The following GPC5 variants were observed in gnomAD, a reference collection of about 807,000 sequenced individuals.
GPC5 encodes glypican 5.
A neutral mutation model predicts 53.9 loss-of-function variants in GPC5; 47 were observed. The ratio of observed to expected loss-of-function variants is 0.87; its 90% confidence interval spans 0.69 to 1.11. The LOEUF (loss-of-function observed/expected upper bound fraction) is 1.11, where lower values mean the gene tolerates loss of function less well. Ranked by LOEUF, GPC5 falls within the 50% of genes most tolerant of loss-of-function variation. The pLI, the probability that GPC5 is intolerant of heterozygous loss-of-function variation, is 0.00. For missense variants in GPC5, 748 were observed against 713.1 expected (o/e 1.05, Z -0.56); for synonymous variants, 286 against 263.3 (o/e 1.09, Z -0.84).
chr13:92,046,293 T>G (rs997205266), intron 6 of GPC5, among the ~76,000 whole-genome samples: 1 of 152,222 alleles, frequency 6.6e-6, no homozygotes, highest in South Asian at 2.1e-4. Context: ...TTCATCAATC[T>G]ATTACAAGTT....
intron 6 of GPC5, among the ~76,000 whole-genome samples, chr13:91,986,226 C>A (rs903443668): frequency 6.6e-6 from 1 of 151,758 alleles, no homozygotes; most frequent in African/African-American, 2.4e-5. Flanking sequence ...CCACCATGCC[C>A]GGCTAATTTT....
chr13:91,891,676 TTAAG>T (rs2039388051), intron 5 of GPC5, among the ~76,000 whole-genome samples: 1 of 152,168 alleles, frequency 6.6e-6, no homozygotes, highest in Admixed American at 6.5e-5. Context: ...ATCTGGAGAA[TTAAG>T]TAAGAATCAA....
At chr13:92,554,463 C>G (rs1232089323) in intron 7 of GPC5, among the ~76,000 whole-genome samples, 2 of 151,080 alleles carry the variant, frequency 1.3e-5, no homozygotes, top group Non-Finnish European at 3.0e-5. Context: ...ATTGTATTTT[C>G]CTACCTGTAT....
chr13:92,673,431 C>T lies in GPC5; in HGVS notation c.1562-192851C>T, dbSNP rs139538588. 1.5e-4 allele frequency among the ~76,000 whole-genome samples: 23 copies of T among 151,906 alleles called. No homozygotes were observed. In the East Asian group the frequency reaches 2.5e-3, roughly 17 times the overall value. ...CAGTACCTTCCAGTACCAGAAGGCA[C>T]GCACCATGATGCCTGGCTAATTTTG... is the stretch of plus-strand genomic sequence containing the variant. On this transcript the variant is annotated intron_variant, in intron 7 of 7. Coordinates refer to ENST00000377067, the MANE Select transcript of GPC5 (RefSeq NM_004466.6).
At chr13:91,734,353 G>A (rs1239967385) in intron 4 of GPC5, among the ~76,000 whole-genome samples, 2 of 151,376 alleles carry the variant, frequency 1.3e-5, no homozygotes, top group Non-Finnish European at 2.9e-5. Context: ...CGATGGGTAA[G>A]TATGTCTAGT....
At chr13:92,837,858 C>T (rs1455915975) in intron 7 of GPC5, among the ~76,000 whole-genome samples, 2 of 150,786 alleles carry the variant, frequency 1.3e-5, no homozygotes, top group East Asian at 2.0e-4. Flanking sequence ...TTTGGGAGGC[C>T]GAGGCGGGCG....
At chr13:91,856,879 C>G (rs1330758666) in intron 5 of GPC5, among the ~76,000 whole-genome samples, 6 of 150,968 alleles carry the variant, frequency 4.0e-5, no homozygotes, top group Non-Finnish European at 8.9e-5. Context: ...ATATCAGAAT[C>G]TTTATAGCTT....
At chr13:91,701,625 T>G (rs1294488086) in intron 3 of GPC5, among the ~76,000 whole-genome samples, 18 of 152,044 alleles carry the variant, frequency 1.2e-4, no homozygotes, top group Admixed American at 1.2e-3. Flanking sequence ...CTCTCTACAT[T>G]ATGTTGATTG....
At chr13:92,803,217 G>A (rs905189424) in intron 7 of GPC5, among the ~76,000 whole-genome samples, 1 of 151,804 alleles carries the variant, frequency 6.6e-6, no homozygotes, top group South Asian at 2.1e-4. Context: ...CTCAATAGAG[G>A]AACATACTTT....
At chr13:91,580,672 C>T (rs1484864225) in intron 2 of GPC5, among the ~76,000 whole-genome samples, 1 of 152,198 alleles carries the variant, frequency 6.6e-6, no homozygotes, top group African/African-American at 2.4e-5. Flanking sequence ...TGACATGTTT[C>T]TTGCTGCATT....
At chr13:92,507,249 T>C (rs1484346496) in intron 7 of GPC5, among the ~76,000 whole-genome samples, 1 of 152,226 alleles carries the variant, frequency 6.6e-6, no homozygotes, top group Admixed American at 6.5e-5. Flanking sequence ...AGTTTGCCTC[T>C]AATCTTACCC....
At chr13:92,002,211 G>C (rs2040562097) in intron 6 of GPC5, among the ~76,000 whole-genome samples, 1 of 151,900 alleles carries the variant, frequency 6.6e-6, no homozygotes, top group Non-Finnish European at 1.5e-5. Flanking sequence ...CACAGGCAAG[G>C]AAAGGTTAAA....
chr13:92,759,945 T>C (rs1410105680), intron 7 of GPC5, among the ~76,000 whole-genome samples: 2 of 152,108 alleles, frequency 1.3e-5, no homozygotes, highest in Non-Finnish European at 2.9e-5. Flanking sequence ...CTTTGGTAAA[T>C]GCTTTTTCTG....
Position 92,524,195 on chromosome 13 carries a change from C to G in GPC5, c.1562-342087C>G, listed in dbSNP as rs565237751. On this transcript the variant is annotated intron_variant, in intron 7 of 7. Coordinates refer to ENST00000377067, the MANE Select transcript of GPC5 (RefSeq NM_004466.6). Reference sequence around the variant, plus strand: ...TCCCATAGCAGAATTTGTTTCAAAACTTTGAATCCTTTCAAACCACATCTC... The same window carrying G: ...TCCCATAGCAGAATTTGTTTCAAAAGTTTGAATCCTTTCAAACCACATCTC... Among the ~76,000 whole-genome samples, 136 of 152,186 alleles carry G rather than the reference C, an allele frequency of 8.9e-4. 1 individual carries two copies. Among genetic ancestry groups the G allele is most frequent in the Middle Eastern group, 6.8e-3 (2 of 294 alleles).
chr13:92,596,515 C>A (rs1883886357), intron 7 of GPC5, among the ~76,000 whole-genome samples: 2 of 151,848 alleles, frequency 1.3e-5, no homozygotes, highest in African/African-American at 4.8e-5. Flanking sequence ...CACTCTGTCG[C>A]CAGGCTGGAG....
intron 7 of GPC5, among the ~76,000 whole-genome samples, chr13:92,540,508 A>C (rs1168337582): frequency 6.6e-6 from 1 of 151,996 alleles, no homozygotes; most frequent in Non-Finnish European, 1.5e-5. Context: ...TTAAAAATAC[A>C]TTTAAAGTTG....
At chr13:92,717,754 G>A (rs923602889) in intron 7 of GPC5, among the ~76,000 whole-genome samples, 3 of 152,048 alleles carry the variant, frequency 2.0e-5, no homozygotes, top group Admixed American at 1.3e-4. Flanking sequence ...AACATTAAAG[G>A]TTTGTTACAG....
chr13:91,571,839 T>TATACGTGTG (rs1555325833), intron 2 of GPC5, among the ~76,000 whole-genome samples: 1 of 91,132 alleles, frequency 1.1e-5, no homozygotes, highest in Non-Finnish European at 1.9e-5. Flanking sequence ...ACACATATAC[T>TATACGTGTG]TGTGTGTATA....
At chr13:92,393,602 T>C (rs1875125228) in intron 7 of GPC5, among the ~76,000 whole-genome samples, 2 of 152,158 alleles carry the variant, frequency 1.3e-5, no homozygotes, top group South Asian at 4.1e-4. Flanking sequence ...TGACCTGAGA[T>C]CGCACCATTG....
Sources: gnomAD v4.1 joint callset for allele counts (sites outside exome capture counted in the v4.1 genomes callset) on GRCh38, gnomAD v4.1.1 for gene constraint, MANE v1.5 for transcripts, NCBI Gene and HGNC (gene_info 2026-07-23, HGNC 2026-07-21) for gene names.